IRS1: variants seen among roughly 807,000 people sequenced by gnomAD.
IRS1 encodes insulin receptor substrate 1.
A neutral mutation model predicts 65.6 loss-of-function variants in IRS1; 34 were observed. The ratio of observed to expected loss-of-function variants is 0.52; its 90% CI spans 0.39 to 0.69. The LOEUF (loss-of-function observed/expected upper bound fraction) is 0.69. Among genes scored for constraint, IRS1 ranks in the 30% least tolerant of loss-of-function variants. The probability of loss-of-function intolerance (pLI) is 0.00; values close to 1 mark genes in which losing one functional copy is unlikely to be tolerated. For synonymous variants in IRS1, 699 were observed against 683.5 expected, an observed-to-expected ratio of 1.02 and a Z score of -0.35; for missense variants, 1,641 against 1,720.2, an observed-to-expected ratio of 0.95 and a Z score of 0.81.
At chr2:226,772,286 T>C (rs1234287694) in intron 1 of IRS1, among the ~76,000 whole-genome samples, 1 of 152,154 alleles carries the variant, frequency 6.6e-6, no homozygotes, top group Non-Finnish European at 1.5e-5. Flanking sequence ...CATATGTTAT[T>C]TCATTTGATC....
At chr2:226,784,503 A>T (rs1939449970) in intron 1 of IRS1, among the ~76,000 whole-genome samples, 1 of 151,976 alleles carries the variant, frequency 6.6e-6, no homozygotes, top group Non-Finnish European at 1.5e-5. Flanking sequence ...GCTCACTGCA[A>T]TCTCTGCCTG....
chr2:226,766,200 G>T (rs1939045107), intron 1 of IRS1, among the ~76,000 whole-genome samples: 1 of 90,914 alleles, frequency 1.1e-5, no homozygotes, highest in African/African-American at 4.3e-5. Context: ...GTCTCACTCT[G>T]TTGCCCAAGC....
At chr2:226,738,861 G>A (rs1324011011) in intron 1 of IRS1, among the ~76,000 whole-genome samples, 1 of 152,180 alleles carries the variant, frequency 6.6e-6, no homozygotes, top group African/African-American at 2.4e-5. Context: ...ACATAAAATG[G>A]GGGAGAAAGC....
rs1939700558 is a variant in IRS1, at chr2:226,795,547, T to C, written c.3192A>G (p.Gln1064=). ...TGAAGGCGCTCATGCCCCCAGGTCCTTGTGGGCCCCCCAGCAGGGACGAGT... is the reference window on the plus strand; with the variant it reads ...TGAAGGCGCTCATGCCCCCAGGTCCCTGTGGGCCCCCCAGCAGGGACGAGT... ...AAHSSLLGGP[Q]GPGGMSAFTR... The change falls in exon 1 of 2, where the codon CAA becomes CAG. Residue 1064 remains glutamine (Q), a synonymous_variant. Coordinates refer to ENST00000305123, the MANE Select transcript of IRS1 (RefSeq NM_005544.3). 1.2e-6 allele frequency: 2 copies of C among 1,613,060 alleles called. No homozygotes were observed. Among genetic ancestry groups the C allele is most frequent in the Admixed American group, 3.3e-5 (2 of 59,998 alleles).
At chr2:226,763,307 C>T (rs1412488585) in intron 1 of IRS1, among the ~76,000 whole-genome samples, 1 of 152,034 alleles carries the variant, frequency 6.6e-6, no homozygotes, top group Admixed American at 6.6e-5. Context: ...TCTTTTTATA[C>T]CATGTTGTGC....
At position 226,794,662 on chromosome 2, in the gene IRS1, A is replaced by T. The variant is rs553515288; in HGVS notation, c.*21+327T>A. Among the ~76,000 whole-genome samples the T allele has an allele frequency of 1.4e-4, 21 of 152,362 alleles. No individual in the cohort carries two copies. In the East Asian group the frequency reaches 3.1e-3, roughly 22 times the overall value. On this transcript the variant is annotated intron_variant, in intron 1 of 1. Coordinates refer to ENST00000305123, the MANE Select transcript of IRS1 (RefSeq NM_005544.3). The surrounding 1 kb of genome is among the most constrained non-coding windows in gnomAD (Gnocchi z 4.1). ...TGACCTAAATATATAGTGAAAAGAAAACTTCAACAAACAAATCAAGCTTCT... is the reference window on the plus strand; with the variant it reads ...TGACCTAAATATATAGTGAAAAGAATACTTCAACAAACAAATCAAGCTTCT...
chr2:226,787,651 A>G (rs1939511259), intron 1 of IRS1, among the ~76,000 whole-genome samples: 1 of 152,198 alleles, frequency 6.6e-6, no homozygotes, highest in Non-Finnish European at 1.5e-5. Context: ...ACAAAAGCAG[A>G]TAATTTATGT....
chr2:226,779,441 C>T (rs1311003103), intron 1 of IRS1, among the ~76,000 whole-genome samples: 1 of 152,120 alleles, frequency 6.6e-6, no homozygotes, highest in Non-Finnish European at 1.5e-5. Flanking sequence ...AGACTCATTC[C>T]ACTGAGCATT....
intron 1 of IRS1, among the ~76,000 whole-genome samples, chr2:226,783,269 A>G (rs1354884188): frequency 1.3e-5 from 2 of 152,248 alleles, no homozygotes; most frequent in Non-Finnish European, 2.9e-5. Flanking sequence ...AGCATGTAAT[A>G]TAAAAATATG....
chr2:226,794,902 A>G lies in IRS1; in HGVS notation c.*21+87T>C, dbSNP rs1939677315. ...TCTCCCTGAGGAAGCAGTGGGAAAG[A>G]ACAGGAAGGGGCAGAGGCGAAGAAC... On this transcript the variant is annotated intron_variant, in intron 1 of 1. Transcript: ENST00000305123. This position sits in a 1 kb window ranked among gnomAD's most constrained non-coding sequence, Gnocchi z 4.1. 1.6e-5 allele frequency: 19 copies of G among 1,184,274 alleles called. No homozygotes were observed. In the South Asian group the frequency reaches 2.1e-4, roughly 13 times the overall value. 73.4% of individuals were successfully genotyped at this position (1,184,274 alleles called of 1,614,324 possible).
intron 1 of IRS1, among the ~76,000 whole-genome samples, chr2:226,744,481 G>A (rs901145263): frequency 3.9e-5 from 6 of 152,138 alleles, no homozygotes; most frequent in Non-Finnish European, 5.9e-5. Context: ...ATACATCTAA[G>A]GCAGGGGTCC....
Position 226,735,111 on chromosome 2 carries a change from A to G in IRS1, c.*1161T>C, listed in dbSNP as rs1185433374. 1 of 152,214 alleles carries G rather than the reference A, an allele frequency of 6.6e-6. No individual in the cohort carries two copies. Among genetic ancestry groups the G allele is most frequent in the South Asian group, 2.1e-4 (1 of 4,832 alleles). 9.4% of individuals were successfully genotyped at this position (152,214 alleles called of 1,614,324 possible). On this transcript the variant is annotated 3_prime_UTR_variant, in exon 2 of 2. Transcript: ENST00000305123. ...TTAGCAACAGCTCACTTGCCTTACC[A>G]TCTTTCTCAAGACAATGCAGGAAAT...
At chr2:226,792,440 G>A (rs1025008664) in intron 1 of IRS1, 1 of 152,176 alleles carries the variant, frequency 6.6e-6, no homozygotes, top group South Asian at 2.1e-4. Context: ...AATAAGAGGT[G>A]GAAACAAAGG....
chr2:226,746,501 T>C (rs1343830943), intron 1 of IRS1, among the ~76,000 whole-genome samples: 1 of 152,154 alleles, frequency 6.6e-6, no homozygotes, highest in Admixed American at 6.5e-5. Context: ...TCTAAAATAA[T>C]TGATAATGCA....
chr2:226,785,640 C>T (rs1939471392), intron 1 of IRS1, among the ~76,000 whole-genome samples: 3 of 152,106 alleles, frequency 2.0e-5, no homozygotes, highest in East Asian at 1.9e-4. Flanking sequence ...ATAAATAAGA[C>T]ACATTTCTTA....
chr2:226,781,988 ATTAAT>A (rs750463963), intron 1 of IRS1, among the ~76,000 whole-genome samples: 1 of 152,128 alleles, frequency 6.6e-6, no homozygotes, highest in African/African-American at 2.4e-5. Context: ...ATTTTTAGAA[ATTAAT>A]TTATTACCTA....
intron 1 of IRS1, among the ~76,000 whole-genome samples, chr2:226,763,890 C>G (rs1938971841): frequency 6.6e-6 from 1 of 152,122 alleles, no homozygotes; most frequent in African/African-American, 2.4e-5. Context: ...TACAATGAAT[C>G]TCAGGGTACT....
At chr2:226,781,509 G>A (rs1939381342) in intron 1 of IRS1, among the ~76,000 whole-genome samples, 4 of 152,254 alleles carry the variant, frequency 2.6e-5, no homozygotes, top group South Asian at 4.1e-4. Context: ...GAATTGGGTG[G>A]TATGGGTTTT....
chr2:226,761,774 C>T (rs1341210979), intron 1 of IRS1, among the ~76,000 whole-genome samples: 25 of 151,548 alleles, frequency 1.6e-4, no homozygotes, highest in Admixed American at 1.6e-3. Flanking sequence ...ACATAATTAG[C>T]TACAAATTTT....
Sources: gnomAD v4.1 joint callset for allele counts (sites outside exome capture counted in the v4.1 genomes callset) on GRCh38, gnomAD v4.1.1 for gene constraint, Gnocchi (gnomAD v3.1) non-coding constraint, MANE v1.5 for transcripts, NCBI Gene and HGNC (gene_info 2026-07-23, HGNC 2026-07-21) for gene names.